Variants in DNAJC7 observed in about 807,000 individuals in gnomAD.
DNAJC7 encodes the protein dnaJ homolog subfamily C member 7.
Under a neutral mutation model 67.4 loss-of-function variants are expected in DNAJC7, and 18 were observed. The ratio of observed to expected loss-of-function variants is 0.27; its 90% CI spans 0.18 to 0.40. DNAJC7 has a LOEUF of 0.40. Among genes scored for constraint, DNAJC7 ranks in the 10% least tolerant of loss-of-function variants. The probability of loss-of-function intolerance (pLI) is 1.00; values close to 1 mark genes in which losing one functional copy is unlikely to be tolerated. For missense variants in DNAJC7, 419 were observed against 613.8 expected, an observed-to-expected ratio of 0.68 and a Z score of 3.35; for synonymous variants, 220 against 207.8, an observed-to-expected ratio of 1.06 and a Z score of -0.50.
Position 41,976,699 on chromosome 17 carries a change from C to T in DNAJC7, c.*34G>A. 1 of 1,606,454 alleles carries T rather than the reference C, an allele frequency of 6.2e-7. No individual in the cohort carries two copies. Among genetic ancestry groups the T allele is most frequent in the Non-Finnish European group, 8.5e-7 (1 of 1,178,040 alleles). On this transcript the variant is annotated 3_prime_UTR_variant, in exon 14 of 14. Coordinates refer to ENST00000457167, the MANE Select transcript of DNAJC7 (RefSeq NM_003315.4). Reference sequence around the variant, plus strand: ...ACATTCAAGATTAAACTGAGTGAATCTGCATTTTCTGGGTTCTGGGTGGTT... The same window carrying T: ...ACATTCAAGATTAAACTGAGTGAATTTGCATTTTCTGGGTTCTGGGTGGTT...
chr17:41,980,417 A>T (rs141486707), intron 12 of DNAJC7, among the ~76,000 whole-genome samples: 118 of 149,944 alleles, frequency 7.9e-4, no homozygotes, highest in Middle Eastern at 7.5e-3. Context: ...ATGGAGTCGC[A>T]CTCTGTAACC....
At chr17:42,011,079 T>A (rs2052103140) in intron 1 of DNAJC7, 1 of 152,174 alleles carries the variant, frequency 6.6e-6, no homozygotes, top group South Asian at 2.1e-4. Context: ...AACTTCCACA[T>A]CACTCAGTGC....
At chr17:41,983,006 G>A (rs1461144242) in intron 10 of DNAJC7, among the ~76,000 whole-genome samples, 1 of 151,450 alleles carries the variant, frequency 6.6e-6, no homozygotes, top group Non-Finnish European at 1.5e-5. Context: ...CCCAGACTTA[G>A]GTTCCTCACT....
At chr17:42,000,666 A>C (rs1466609070) in intron 1 of DNAJC7, 96 bp from the exon 2 acceptor site, 1 of 873,754 alleles carries the variant, frequency 1.1e-6, no homozygotes, top group East Asian at 2.6e-5. Flanking sequence ...CCCGCAGCAC[A>C]CTGAGCTGAA....
intron 1 of DNAJC7, chr17:42,016,965 A>AG: frequency 1.6e-6 from 2 of 1,212,492 alleles, no homozygotes; most frequent in African/African-American, 1.6e-5. Context: ...AACAATGCAC[A>AG]GAAGTTAACA....
At chr17:41,988,013 G>T (rs1458114252) in intron 8 of DNAJC7, 103 bp from the exon 9 acceptor site, 50 of 929,176 alleles carry the variant, frequency 5.4e-5, no homozygotes, top group Non-Finnish European at 8.0e-5. Flanking sequence ...AGTCATGCTG[G>T]CCCCTTAAAT....
chr17:41,999,413 C>T (rs548826017), intron 2 of DNAJC7, among the ~76,000 whole-genome samples: 3 of 152,032 alleles, frequency 2.0e-5, no homozygotes, highest in Non-Finnish European at 4.4e-5. Flanking sequence ...TGAGTCACCA[C>T]GCCTGGCCTT....
chr17:42,003,950 ATTTTTTTTT>A (rs10631965), intron 1 of DNAJC7, among the ~76,000 whole-genome samples: 12 of 94,330 alleles, frequency 1.3e-4, no homozygotes, highest in African/African-American at 3.6e-4. Context: ...AAGATTTTCA[ATTTTTTTTT>A]TTTTTTTTTT....
At chr17:41,987,720 G>T in intron 9 of DNAJC7, 99 bp downstream of exon 9, 1 of 999,058 alleles carries the variant, frequency 1.0e-6, no homozygotes, top group South Asian at 1.5e-5. Flanking sequence ...AGGACCAAAT[G>T]ACCTCACAAC....
At chr17:41,981,728 T>G in intron 12 of DNAJC7, 127 bp downstream of exon 12, 1 of 1,313,102 alleles carries the variant, frequency 7.6e-7, no homozygotes, top group South Asian at 1.4e-5. Flanking sequence ...TTTGACTCCA[T>G]GTCTATTACT....
In DNAJC7 at chr17:42,017,186, C is replaced by T; in HGVS notation, c.77+154G>A. The T allele has an allele frequency of 8.3e-6, 13 of 1,561,886 alleles. No individual in the cohort carries two copies. In the South Asian group the frequency reaches 1.4e-4, roughly 17 times the overall value. ...AGGCCGACCCCCAAGAGCGCCCCTT[C>T]AGGGGGTCCATCCGGCCTTGATCTC... On this transcript the variant is annotated intron_variant, in intron 1 of 13. Transcript: ENST00000457167.
At chr17:42,002,116 AT>A (rs2051823299) in intron 1 of DNAJC7, among the ~76,000 whole-genome samples, 1 of 152,244 alleles carries the variant, frequency 6.6e-6, no homozygotes, top group South Asian at 2.1e-4. Context: ...CAAAGTGCTT[AT>A]AAAAACTCTC....
chr17:42,016,631 G>A (rs950075559), intron 1 of DNAJC7: 1 of 152,766 alleles, frequency 6.5e-6, no homozygotes, highest in Non-Finnish European at 1.5e-5. Context: ...TCGAACCACT[G>A]CGGCTGCTTC....
chr17:42,017,092 A>G, intron 1 of DNAJC7: 2 of 1,421,570 alleles, frequency 1.4e-6, no homozygotes, highest in Non-Finnish European at 1.8e-6. Flanking sequence ...TCCTATAAGG[A>G]CGATCGTCCT....
At chr17:41,993,935 C>T (rs139414355) in intron 5 of DNAJC7, among the ~76,000 whole-genome samples, 2,019 of 150,388 alleles carry the variant, frequency 0.013, 34 homozygotes, top group Non-Finnish European at 0.019. Context: ...CCCAGCTACT[C>T]GGGAGGCTGA....
Position 41,976,631 on chromosome 17 carries a change from A to G in DNAJC7, c.*102T>C, listed in dbSNP as rs1484084824. On this transcript the variant is annotated 3_prime_UTR_variant, in exon 14 of 14. Coordinates refer to ENST00000457167, the MANE Select transcript of DNAJC7 (RefSeq NM_003315.4). The stretch of plus-strand genomic sequence containing the variant: ...CCAACTGAGAAAACGAAACTGCTCT[A>G]AGCACACGGAGACGTGATGAAGGGA... 9 of 1,485,284 alleles carry G rather than the reference A, an allele frequency of 6.1e-6. No individual in the cohort carries two copies. The East Asian group carries it at 6.9e-5, about 11-fold the overall frequency. The allele number at this position is 1,485,284 out of a possible 1,614,324, so 92.0% of individuals were successfully genotyped here. A position where few individuals can be genotyped will look rare whatever the true frequency, so the allele number is the denominator to read the frequency against.
At chr17:41,987,157 C>A (rs1436149043) in intron 9 of DNAJC7, among the ~76,000 whole-genome samples, 1 of 152,078 alleles carries the variant, frequency 6.6e-6, no homozygotes, top group East Asian at 1.9e-4. Context: ...AGCAACCATG[C>A]CAGGGAGCAC....
At position 42,017,363 on chromosome 17, in the gene DNAJC7, C is replaced by G; in HGVS notation, c.54G>C (p.Leu18=). 1 of 1,611,250 alleles carries G rather than the reference C, an allele frequency of 6.2e-7. No individual in the cohort carries two copies. The stretch of plus-strand genomic sequence containing the variant: ...ACCTCTTCGCCTCTTGGTCGTCGAG[C>G]AGCTCCGGCTCGGTCGCCGCCATTA... ...DVVMAATEPE[L]LDDQEAKREA... The change falls in exon 1 of 14, where the codon CTG becomes CTC. Residue 18 remains leucine, a synonymous_variant. Transcript: ENST00000457167.
intron 1 of DNAJC7, among the ~76,000 whole-genome samples, chr17:42,009,307 C>T (rs752498102): frequency 3.3e-5 from 5 of 152,288 alleles, no homozygotes; most frequent in East Asian, 3.9e-4. Flanking sequence ...AGCCTCAACA[C>T]GGGCAGAGTC....
Sources: gnomAD v4.1 joint callset for allele counts (sites outside exome capture counted in the v4.1 genomes callset) on GRCh38, gnomAD v4.1.1 for gene constraint, MANE v1.5 for transcripts, NCBI Gene and HGNC (gene_info 2026-07-23, HGNC 2026-07-21) for gene names.